The following SPAG4 variants were observed in gnomAD, a reference collection of about 807,000 sequenced individuals.
SPAG4 encodes the protein sperm associated antigen 4.
SPAG4 carries 54 observed loss-of-function variants against 53.9 expected under a neutral mutation model. That is an observed-to-expected ratio of 1.00 (90% CI 0.80 to 1.26). The LOEUF is 1.26. SPAG4 is among the 50% of genes most tolerant of loss of function. SPAG4 has a pLI of 0.00. For missense variants in SPAG4, 548 were observed against 568.6 expected (o/e 0.96, Z 0.37); for synonymous variants, 246 against 237.4 (o/e 1.04, Z -0.33).
chr20:35,620,488 A>AAAAT (rs1193171546), intron 10 of SPAG4, among the ~76,000 whole-genome samples, 196 bp from the exon 11 acceptor site: 9 of 152,154 alleles, frequency 5.9e-5, no homozygotes, highest in African/African-American at 1.7e-4. Context: ...ACTCCGTCTC[A>AAAAT]AAATAAATAA....
In SPAG4 at chr20:35,617,809, G is replaced by C. The variant is rs759183957; in HGVS notation, c.507G>C (p.Thr169=). ...TCTGTTCCATCCGCTTCCTGTTCAC[G>C]GCTGTGTCGCTGCTGAGCCTCTTTC... ...REVCSIRFLF[T]AVSLLSLFLS... is the part of the protein sequence containing the mutation. The change falls in exon 4 of 12, where the codon ACG becomes ACC. Residue 169 remains threonine, a synonymous_variant. Transcript: ENST00000374273. The C allele has an allele frequency of 6.8e-6, 11 of 1,613,954 alleles. No homozygotes were observed. The highest frequency in any genetic ancestry group is 1.6e-4 in the Middle Eastern group (1 of 6,084).
rs1331646085 is a variant in SPAG4 at position 35,615,845 on chromosome 20, G to T, written c.-159G>T. 6 of 629,194 alleles carry T rather than the reference G, an allele frequency of 9.5e-6. No individual in the cohort carries two copies. The highest frequency in any genetic ancestry group is 1.3e-5 in the Non-Finnish European group (5 of 383,298). The allele number at this position is 629,194 out of a possible 1,614,324, so 39.0% of individuals were successfully genotyped here. On this transcript the variant is annotated 5_prime_UTR_variant, in exon 1 of 12. Transcript: ENST00000374273. ...GGCTCCTCTGTGACGTCAGCAGCCG[G>T]CCGGGACACAGCGGGAGGGCAGGTG...
rs1421650867 is a variant in SPAG4, at chr20:35,619,318, TG to T, written c.909+10del. Reference sequence around the variant, plus strand: ...CCCACGGTTATCCTGGAGGTGAGTCTGGAAACATCCCGGGATGGGACCCCGG... The same window carrying T: ...CCCACGGTTATCCTGGAGGTGAGTCTGAAACATCCCGGGATGGGACCCCGG... On this transcript the variant is annotated intron_variant, in intron 9 of 11. Coordinates refer to ENST00000374273, the MANE Select transcript of SPAG4 (RefSeq NM_003116.3). 6.2e-7 allele frequency: 1 copy of T among 1,609,176 alleles called. No homozygotes were observed. Among genetic ancestry groups the T allele is most frequent in the Non-Finnish European group, 8.5e-7 (1 of 1,175,674 alleles).
rs933567912 is a variant in SPAG4 at position 35,617,131 on chromosome 20, C to T, written c.305-5C>T. 2 of 1,573,486 alleles carry T rather than the reference C, an allele frequency of 1.3e-6. No homozygotes were observed. The highest frequency in any genetic ancestry group is 1.7e-6 in the Non-Finnish European group (2 of 1,158,206). ...GGCCCCAGTGGAGCCCTTGGGTTCCCGCAGAACCGACTGGGTCTCCAGTAG... is the reference window on the plus strand; with the variant it reads ...GGCCCCAGTGGAGCCCTTGGGTTCCTGCAGAACCGACTGGGTCTCCAGTAG... On this transcript the variant is annotated splice_region_variant and splice_polypyrimidine_tract_variant and intron_variant, in intron 1 of 11. Coordinates refer to ENST00000374273, the MANE Select transcript of SPAG4 (RefSeq NM_003116.3).
In SPAG4 at chr20:35,620,870, C is replaced by T. The variant is rs1263809496; in HGVS notation, c.1168-6C>T. 1.2e-6 allele frequency: 2 copies of T among 1,614,020 alleles called. No individual in the cohort carries two copies. The highest frequency in any genetic ancestry group is 1.7e-6 in the Non-Finnish European group (2 of 1,179,900). ...AGCCCTTGGCATGATCCATTTGTCT[C>T]CCCAGAATGACCCCCCAGCTGCCTT... On this transcript the variant is annotated splice_polypyrimidine_tract_variant and splice_region_variant and intron_variant, in intron 11 of 11. Coordinates refer to ENST00000374273, the MANE Select transcript of SPAG4 (RefSeq NM_003116.3).
In SPAG4 at chr20:35,621,038, G is replaced by C. The variant is rs757168353; in HGVS notation, c.*16G>C. 6 of 1,610,910 alleles carry C rather than the reference G, an allele frequency of 3.7e-6. No homozygotes were observed. In the Admixed American group the frequency reaches 8.3e-5, roughly 22 times the overall value. ...GCCCCATTAAACATGCTGATTTTTG[G>C]AGTAGAATTGAGTTCTGCTGAAGGA... On this transcript the variant is annotated 3_prime_UTR_variant, in exon 12 of 12. Coordinates refer to ENST00000374273, the MANE Select transcript of SPAG4 (RefSeq NM_003116.3).
rs1326624341 is a variant in SPAG4, at chr20:35,618,489, C to A, written c.608+14C>A. 1.9e-6 allele frequency: 3 copies of A among 1,613,626 alleles called. No homozygotes were observed. The highest frequency in any genetic ancestry group is 2.7e-5 in the African/African-American group (2 of 74,878). On this transcript the variant is annotated intron_variant, in intron 6 of 11. Coordinates refer to ENST00000374273, the MANE Select transcript of SPAG4 (RefSeq NM_003116.3). ...GCTGACTCTAAGGTGAAAGAGGGCA[C>A]CTAGGGTGGGAAATTGGGGGGCTCA...
rs1430322349 is a variant in SPAG4 at position 35,619,264 on chromosome 20, G to T, written c.863G>T (p.Arg288Leu). Residue 288 changes from arginine to leucine, a missense_variant, in exon 9 of 12, where the codon CGC becomes CTC. Arg to Leu is a moderately radical substitution (Grantham distance 102, BLOSUM62 -2). Coordinates refer to ENST00000374273, the MANE Select transcript of SPAG4 (RefSeq NM_003116.3). ...ADRNTAYFWNRFSFWNYARPP... is the reference protein window; with the variant it reads ...ADRNTAYFWNLFSFWNYARPP... ...AGGAACACTGCCTACTTCTGGAATC[G>T]CTTCAGCTTCTGGAACTACGCACGG... The T allele has an allele frequency of 6.2e-7, 1 of 1,614,090 alleles. No homozygotes were observed. The highest frequency in any genetic ancestry group is 1.1e-5 in the South Asian group (1 of 91,072).
chr20:35,620,999 G>A lies in SPAG4; in HGVS notation c.1291G>A (p.Gly431Ser), dbSNP rs370436829. The stretch of plus-strand genomic sequence containing the variant: ...TGTGCGAACCTCAGAGGGGGCAGAG[G>A]GCAGTGCACAGGGGCCCCATTAAAC... ...HGVRTSEGAE[G>S]SAQGPH is the part of the protein sequence containing the mutation. The change falls in exon 12 of 12, where the codon GGC becomes AGC. Residue 431 changes from glycine to serine, a missense_variant. Gly to Ser is a moderately conservative substitution (Grantham distance 56). Transcript: ENST00000374273. The A allele has an allele frequency of 3.1e-6, 5 of 1,614,086 alleles. No homozygotes were observed. The African/African-American group carries it at 6.7e-5, about 22-fold the overall frequency.
At chr20:35,617,072 G>A (rs534956792) in intron 1 of SPAG4, 64 bp from the exon 2 acceptor site, 15 of 1,078,796 alleles carry the variant, frequency 1.4e-5, no homozygotes, top group Admixed American at 1.2e-4. Context: ...TCTGCGGCCC[G>A]GTCTCGAGGG....
At position 35,615,955 on chromosome 20, in the gene SPAG4, G is replaced by A. The variant is rs2031355575; in HGVS notation, c.-49G>A. 1.9e-6 allele frequency: 3 copies of A among 1,589,914 alleles called. No individual in the cohort carries two copies. Among genetic ancestry groups the A allele is most frequent in the Non-Finnish European group, 2.6e-6 (3 of 1,168,916 alleles). On this transcript the variant is annotated 5_prime_UTR_variant, in exon 1 of 12. Transcript: ENST00000374273. ...CTGAAGGAGGCCCCAGGGCCTTGGC[G>A]ACCGCAGCGGCGGCTTTAGCGTCAG... is the stretch of plus-strand genomic sequence containing the variant.
chr20:35,619,594 G>A lies in SPAG4; in HGVS notation c.925G>A (p.Gly309Arg). Residue 309 changes from glycine (G) to arginine (R), a missense_variant, in exon 10 of 12, where the codon GGG (glycine) becomes AGG (arginine). By Grantham distance (125) the Gly-to-Arg change is moderately radical (BLOSUM62 -2). Transcript: ENST00000374273. ...CCGCCTGCAGCCCCACGTGTTCCCTGGGAATTGCTGGGCTTTTGAAGGCGA... is the reference window on the plus strand; with the variant it reads ...CCGCCTGCAGCCCCACGTGTTCCCTAGGAATTGCTGGGCTTTTGAAGGCGA... ...TVILEPHVFP[G>R]NCWAFEGDQG... 3 of 1,613,718 alleles carry A rather than the reference G, an allele frequency of 1.9e-6. No individual in the cohort carries two copies. The highest frequency in any genetic ancestry group is 2.5e-6 in the Non-Finnish European group (3 of 1,179,768).
At position 35,620,701 on chromosome 20, in the gene SPAG4, T is replaced by C. The variant is rs2031550196; in HGVS notation, c.1095T>C (p.Asp365=). The change falls in exon 11 of 12, where the codon GAT becomes GAC. Residue 365 remains aspartate (D), a synonymous_variant. Coordinates refer to ENST00000374273, the MANE Select transcript of SPAG4 (RefSeq NM_003116.3). ...CCCACCAGGGCCTCCAGGTTTATGA[T>C]GAAACTGAAGTTTCCTTGGGGAAAT... is the stretch of plus-strand genomic sequence containing the variant. The part of the protein sequence containing the change: ...DFAVFGLQVY[D]ETEVSLGKFT... The C allele has an allele frequency of 3.8e-6, 6 of 1,573,646 alleles. No individual in the cohort carries two copies. The highest frequency in any genetic ancestry group is 1.7e-4 in the Middle Eastern group (1 of 5,844).
chr20:35,617,080 G>A (rs1303144870), intron 1 of SPAG4, 56 bp from the exon 2 acceptor site: 8 of 1,188,730 alleles, frequency 6.7e-6, no homozygotes, highest in Non-Finnish European at 9.8e-6. Context: ...CCGGTCTCGA[G>A]GGGAAAATAG....
At chr20:35,617,334 C>G in intron 2 of SPAG4, 94 bp downstream of exon 2, 2 of 992,848 alleles carry the variant, frequency 2.0e-6, no homozygotes, top group Non-Finnish European at 3.1e-6. Context: ...GTTTGAGTAT[C>G]GAGCCCCTCT....
chr20:35,620,251 A>G (rs760006377), intron 10 of SPAG4, among the ~76,000 whole-genome samples: 1 of 152,212 alleles, frequency 6.6e-6, no homozygotes, highest in Non-Finnish European at 1.5e-5. Context: ...GATTACAGGC[A>G]TGAGCCACCG....
chr20:35,620,131 C>T (rs1012021023), intron 10 of SPAG4, among the ~76,000 whole-genome samples: 2 of 152,046 alleles, frequency 1.3e-5, no homozygotes, highest in Admixed American at 1.3e-4. Context: ...CCACCATGCT[C>T]GGCTAATTTT....
chr20:35,620,510 C>T (rs1348370996), intron 10 of SPAG4, 174 bp from the exon 11 acceptor site: 7 of 561,774 alleles, frequency 1.2e-5, no homozygotes, highest in African/African-American at 9.4e-5. Flanking sequence ...TAAATAAAAC[C>T]TGGTTTCTTA....
chr20:35,620,723 A>C lies in SPAG4; in HGVS notation c.1117A>C (p.Lys373Gln). The C allele has an allele frequency of 6.9e-7, 1 of 1,439,448 alleles. No homozygotes were observed. Among genetic ancestry groups the C allele is most frequent in the Non-Finnish European group, 9.3e-7 (1 of 1,077,004 alleles). 89.2% of individuals were successfully genotyped at this position (1,439,448 alleles called of 1,614,324 possible). ...TGATGAAACTGAAGTTTCCTTGGGG[A>C]AATTCACCTTCGATGTTGAGAAATC... ...VYDETEVSLG[K>Q]FTFDVEKSEI... The change falls in exon 11 of 12, where the codon AAA (lysine) becomes CAA (glutamine). Residue 373 changes from lysine to glutamine, a missense_variant. Physicochemically the swap from Lys to Gln is moderately conservative, Grantham distance 53 (BLOSUM62 1). Coordinates refer to ENST00000374273, the MANE Select transcript of SPAG4 (RefSeq NM_003116.3).
Sources: gnomAD v4.1 joint callset for allele counts (sites outside exome capture counted in the v4.1 genomes callset) on GRCh38, gnomAD v4.1.1 for gene constraint, MANE v1.5 for transcripts, NCBI Gene and HGNC (gene_info 2026-07-23, HGNC 2026-07-21) for gene names.